BRINP1: variants seen among roughly 807,000 people sequenced by gnomAD.
BRINP1 encodes BMP/retinoic acid inducible neural specific 1.
In BRINP1, 17 loss-of-function variants were observed where a neutral mutation model predicts 72.9. The ratio of observed to expected loss-of-function variants is 0.23; its 90% CI spans 0.16 to 0.35. The LOEUF is 0.35. BRINP1 is among the 10% of genes least tolerant of loss of function. BRINP1 has a pLI of 1.00. For missense variants in BRINP1, 850 were observed against 1,001.6 expected (o/e 0.85, Z 2.04); for synonymous variants, 418 against 378.5 (o/e 1.10, Z -1.21).
intron 7 of BRINP1, among the ~76,000 whole-genome samples, chr9:119,172,926 C>T (rs1447673030): frequency 2.0e-5 from 3 of 150,962 alleles, no homozygotes; most frequent in Admixed American, 1.3e-4. Flanking sequence ...TGACAAAATT[C>T]AACCACCCTT....
At chr9:119,239,064 C>T (rs1830220612) in intron 4 of BRINP1, among the ~76,000 whole-genome samples, 1 of 152,172 alleles carries the variant, frequency 6.6e-6, no homozygotes, top group Non-Finnish European at 1.5e-5. Flanking sequence ...AAAGCATTGG[C>T]TTTGGAATCA....
At chr9:119,286,137 T>C (rs1247623062) in intron 2 of BRINP1, among the ~76,000 whole-genome samples, 1 of 152,224 alleles carries the variant, frequency 6.6e-6, no homozygotes, top group Non-Finnish European at 1.5e-5. Flanking sequence ...CCAATCTTTG[T>C]CATTGCCAAC....
At chr9:119,263,234 A>G (rs559795209) in intron 2 of BRINP1, among the ~76,000 whole-genome samples, 5 of 152,346 alleles carry the variant, frequency 3.3e-5, no homozygotes, top group Admixed American at 1.3e-4. Context: ...GTCAAAACTT[A>G]GCAGGCCAGA....
At chr9:119,302,959 C>A (rs3780720) in intron 2 of BRINP1, among the ~76,000 whole-genome samples, 17,623 of 152,064 alleles carry the variant, frequency 0.12, 1,345 homozygotes, top group African/African-American at 0.21. Flanking sequence ...TCATCAGAGG[C>A]TAACAGAGTG....
chr9:119,196,463 A>G (rs1274102376), intron 7 of BRINP1, among the ~76,000 whole-genome samples: 1 of 152,172 alleles, frequency 6.6e-6, no homozygotes, highest in African/African-American at 2.4e-5. Flanking sequence ...ACTAAACCAC[A>G]GCATCCCTTC....
chr9:119,311,255 G>A (rs1273861788), intron 2 of BRINP1, among the ~76,000 whole-genome samples: 5 of 152,210 alleles, frequency 3.3e-5, no homozygotes, highest in Non-Finnish European at 5.9e-5. Flanking sequence ...GGAATAACTA[G>A]ATGACCAGGG....
chr9:119,284,078 T>A (rs1830737373), intron 2 of BRINP1, among the ~76,000 whole-genome samples: 1 of 152,252 alleles, frequency 6.6e-6, no homozygotes, highest in East Asian at 1.9e-4. Context: ...ATACATTAAC[T>A]TTGAAGGGGC....
intron 1 of BRINP1, among the ~76,000 whole-genome samples, chr9:119,340,413 G>GAA (rs796687960): frequency 2.7e-5 from 4 of 146,972 alleles, no homozygotes; most frequent in African/African-American, 1.0e-4. Context: ...ACCTCTGAGG[G>GAA]AAAAAAAAAA....
chr9:119,217,925 C>T (rs969370125), intron 5 of BRINP1, among the ~76,000 whole-genome samples: 4 of 151,946 alleles, frequency 2.6e-5, no homozygotes, highest in Admixed American at 6.6e-5. Flanking sequence ...CCCTGTGCAC[C>T]GAATATTCTC....
chr9:119,310,240 C>T (rs1016395166), intron 2 of BRINP1, among the ~76,000 whole-genome samples: 1 of 152,142 alleles, frequency 6.6e-6, no homozygotes, highest in Non-Finnish European at 1.5e-5. Context: ...CACCCGAGTT[C>T]CCTGACTCCG....
At chr9:119,305,476 C>T (rs1255256343) in intron 2 of BRINP1, among the ~76,000 whole-genome samples, 2 of 152,208 alleles carry the variant, frequency 1.3e-5, no homozygotes, top group Non-Finnish European at 2.9e-5. Flanking sequence ...ATCAGTACTA[C>T]TCAAAATACA....
chr9:119,244,869 C>A (rs955990387), intron 3 of BRINP1, among the ~76,000 whole-genome samples: 1 of 152,170 alleles, frequency 6.6e-6, no homozygotes, highest in Non-Finnish European at 1.5e-5. Context: ...CTCACTGCAG[C>A]ACCTTGTTTC....
intron 6 of BRINP1, among the ~76,000 whole-genome samples, chr9:119,209,962 C>T: frequency 6.6e-6 from 1 of 152,210 alleles, no homozygotes; most frequent in Non-Finnish European, 1.5e-5. Flanking sequence ...AACTCTTGGG[C>T]CTCCCAGGTA....
chr9:119,294,745 A>C (rs1297204435), intron 2 of BRINP1, among the ~76,000 whole-genome samples: 1 of 150,276 alleles, frequency 6.7e-6, no homozygotes, highest in African/African-American at 2.4e-5. Flanking sequence ...ATTCTCAGCT[A>C]CTTAGGAGTC....
chr9:119,333,686 A>G (rs1480583401), intron 1 of BRINP1, among the ~76,000 whole-genome samples: 1 of 152,142 alleles, frequency 6.6e-6, no homozygotes. Context: ...CTGAGTATTC[A>G]CTGAAGTTCT....
intron 7 of BRINP1, among the ~76,000 whole-genome samples, chr9:119,205,274 T>A (rs1829841638): frequency 6.6e-6 from 1 of 152,168 alleles, no homozygotes; most frequent in South Asian, 2.1e-4. Flanking sequence ...CCTCGGTACC[T>A]AGCACTCAAA....
At chr9:119,202,528 TAATAGCTGAGACCA>T (rs1465487554) in intron 7 of BRINP1, among the ~76,000 whole-genome samples, 1 of 152,188 alleles carries the variant, frequency 6.6e-6, no homozygotes, top group Non-Finnish European at 1.5e-5. Flanking sequence ...CAGTGTCCAG[TAATAGCTGAGACCA>T]AACTTAAAGT....
At chr9:119,242,301 C>T (rs1830260047) in intron 3 of BRINP1, 85 bp from the exon 4 acceptor site, 2 of 1,099,292 alleles carry the variant, frequency 1.8e-6, no homozygotes, top group Non-Finnish European at 2.6e-6. Flanking sequence ...CTGAAAACAG[C>T]CTTAAATCTC....
chr9:119,200,223 T>C (rs1462577713), intron 7 of BRINP1, among the ~76,000 whole-genome samples: 1 of 152,160 alleles, frequency 6.6e-6, no homozygotes, highest in African/African-American at 2.4e-5. Flanking sequence ...TGACAGGTCA[T>C]GTGGTAGGAA....
Sources: gnomAD v4.1 joint callset for allele counts (sites outside exome capture counted in the v4.1 genomes callset) on GRCh38, gnomAD v4.1.1 for gene constraint, MANE v1.5 for transcripts, NCBI Gene and HGNC (gene_info 2026-07-23, HGNC 2026-07-21) for gene names.